Variants in KIF26B observed in about 807,000 individuals in gnomAD.
The protein encoded by KIF26B is kinesin family member 26B.
A neutral mutation model predicts 151.2 loss-of-function variants in KIF26B; 63 were observed. The observed-to-expected ratio is 0.42, with a 90% CI of 0.34 to 0.51. The LOEUF (loss-of-function observed/expected upper bound fraction) is 0.51, where lower values mean the gene tolerates loss of function less well. KIF26B is among the 20% of genes least tolerant of loss of function. The pLI is 0.07. For synonymous variants in KIF26B, 1,357 were observed against 1,262.1 expected, an observed-to-expected ratio of 1.08 and a Z score of -1.59; for missense variants, 2,813 against 2,913.6, an observed-to-expected ratio of 0.97 and a Z score of 0.79.
At chr1:245,541,965 C>A (rs1661636116) in intron 5 of KIF26B, among the ~76,000 whole-genome samples, 1 of 152,136 alleles carries the variant, frequency 6.6e-6, no homozygotes, top group Non-Finnish European at 1.5e-5. Flanking sequence ...TCTCCCGTGT[C>A]CTTCCATGCT....
At chr1:245,163,058 C>T (rs6668841) in intron 2 of KIF26B, among the ~76,000 whole-genome samples, 127,905 of 152,210 alleles carry the variant, frequency 0.84, 55,099 homozygotes, top group South Asian at 0.94. Flanking sequence ...TTGCAGACTT[C>T]TTCTTGTGAA....
intron 2 of KIF26B, among the ~76,000 whole-genome samples, chr1:245,344,222 T>A (rs1287075793): frequency 6.6e-6 from 1 of 151,948 alleles, no homozygotes; most frequent in African/African-American, 2.4e-5. Flanking sequence ...CCTGTTTCTC[T>A]GTCTCTCCTC....
intron 5 of KIF26B, among the ~76,000 whole-genome samples, chr1:245,543,985 C>A (rs1661682861): frequency 6.6e-6 from 1 of 151,886 alleles, no homozygotes; most frequent in South Asian, 2.1e-4. Context: ...CGAGAAGTTG[C>A]CAAGACCCTG....
At chr1:245,208,392 G>T (rs1178587660) in intron 2 of KIF26B, among the ~76,000 whole-genome samples, 1 of 152,134 alleles carries the variant, frequency 6.6e-6, no homozygotes, top group Non-Finnish European at 1.5e-5. Context: ...ATTGACACAA[G>T]TTGGTCATTT....
chr1:245,348,515 T>C (rs796108953), intron 2 of KIF26B, among the ~76,000 whole-genome samples: 1 of 152,296 alleles, frequency 6.6e-6, no homozygotes, highest in Non-Finnish European at 1.5e-5. Flanking sequence ...CTCTTGTTCA[T>C]AGATGGCACA....
chr1:245,343,472 A>G (rs1672378107), intron 2 of KIF26B, among the ~76,000 whole-genome samples: 1 of 152,130 alleles, frequency 6.6e-6, no homozygotes, highest in African/African-American at 2.4e-5. Flanking sequence ...CTGTGTTCAA[A>G]TCAGCATAAC....
At chr1:245,292,168 G>T (rs940480702) in intron 2 of KIF26B, among the ~76,000 whole-genome samples, 1 of 152,214 alleles carries the variant, frequency 6.6e-6, no homozygotes, top group African/African-American at 2.4e-5. Context: ...AAAGCAATCC[G>T]ATGACATCGA....
intron 2 of KIF26B, among the ~76,000 whole-genome samples, chr1:245,294,740 GCAACCTCCACC>G (rs1276404932): frequency 6.6e-6 from 1 of 152,098 alleles, no homozygotes; most frequent in Non-Finnish European, 1.5e-5. Context: ...TCGGCTCACT[GCAACCTCCACC>G]TCCCGGGTTC....
intron 4 of KIF26B, among the ~76,000 whole-genome samples, chr1:245,493,580 G>A (rs933282312): frequency 2.6e-5 from 4 of 152,178 alleles, no homozygotes; most frequent in Admixed American, 6.5e-5. Flanking sequence ...ACTTGGACTG[G>A]CCTAGGCACT....
Position 245,367,123 on chromosome 1 carries a change from G to A in KIF26B, c.755G>A (p.Cys252Tyr), listed in dbSNP as rs780009420. ...PRDWAFVPAP[C>Y]ATSNYTGFAN... is the part of the protein sequence containing the mutation. ...GACTGGGCCTTTGTGCCCGCCCCCT[G>A]TGCCACCTCCAACTACACAGGCTTC... Residue 252 changes from cysteine to tyrosine, a missense_variant, in exon 3 of 15, where the codon TGT (cysteine) becomes TAT (tyrosine). By Grantham distance (194) the Cys-to-Tyr change is radical (BLOSUM62 -2). Coordinates refer to ENST00000407071, the MANE Select transcript of KIF26B (RefSeq NM_018012.4). The surrounding 1 kb of genome is among the most constrained non-coding windows in gnomAD (Gnocchi z 4.2). The A allele has an allele frequency of 1.3e-6, 2 of 1,594,956 alleles. No individual in the cohort carries two copies. Among genetic ancestry groups the A allele is most frequent in the South Asian group, 1.1e-5 (1 of 88,218 alleles).
At chr1:245,689,502 C>T (rs1199066510) in intron 12 of KIF26B, among the ~76,000 whole-genome samples, 1 of 152,218 alleles carries the variant, frequency 6.6e-6, no homozygotes, top group African/African-American at 2.4e-5. Flanking sequence ...TGCAGTGCCC[C>T]CCGCCACACA....
At chr1:245,351,363 GCT>G (rs950692226) in intron 2 of KIF26B, among the ~76,000 whole-genome samples, 137 of 152,246 alleles carry the variant, frequency 9.0e-4, no homozygotes, top group African/African-American at 3.2e-3. Flanking sequence ...TTCTTCCCTG[GCT>G]ATGCCTTTTC....
rs1266210717 is a variant in KIF26B, at chr1:245,218,028, G to A, written c.465+61345G>A. On this transcript the variant is annotated intron_variant, in intron 2 of 14. Transcript: ENST00000407071. This position sits in a 1 kb window ranked among gnomAD's most constrained non-coding sequence, Gnocchi z 4.1. ...TGCATTCTTTCCAAAGCCCCCATGC[G>A]GTGACTCAGTATTTGGCCATTTTTC... Among the ~76,000 whole-genome samples the A allele has an allele frequency of 2.0e-5, 3 of 152,096 alleles. No individual in the cohort carries two copies. The highest frequency in any genetic ancestry group is 2.1e-4 in the South Asian group (1 of 4,820).
At chr1:245,311,675 G>T (rs1326392985) in intron 2 of KIF26B, among the ~76,000 whole-genome samples, 1 of 152,164 alleles carries the variant, frequency 6.6e-6, no homozygotes, top group Admixed American at 6.5e-5. Context: ...GCTCATGCCT[G>T]TAATCCCAGC....
chr1:245,263,477 TC>T (rs1175739285), intron 2 of KIF26B, among the ~76,000 whole-genome samples: 3 of 152,194 alleles, frequency 2.0e-5, no homozygotes, highest in African/African-American at 7.2e-5. Context: ...TTTGCAGGCA[TC>T]TATCATGAAC....
chr1:245,661,286 C>T (rs1446188389), intron 10 of KIF26B, among the ~76,000 whole-genome samples: 3 of 151,956 alleles, frequency 2.0e-5, no homozygotes, highest in Non-Finnish European at 1.5e-5. Flanking sequence ...CTGCGCCTGG[C>T]CCATTTTAAT....
At chr1:245,332,945 G>C (rs1259382486) in intron 2 of KIF26B, among the ~76,000 whole-genome samples, 1 of 152,120 alleles carries the variant, frequency 6.6e-6, no homozygotes, top group Non-Finnish European at 1.5e-5. Flanking sequence ...TCCAAATCCA[G>C]CAGAAAAAGG....
chr1:245,681,129 A>G (rs1399747494), intron 10 of KIF26B, among the ~76,000 whole-genome samples: 1 of 152,036 alleles, frequency 6.6e-6, no homozygotes, highest in Non-Finnish European at 1.5e-5. Context: ...CACACCCAGA[A>G]AAAGGAAGAG....
At chr1:245,549,307 C>T (rs1271588260) in intron 5 of KIF26B, among the ~76,000 whole-genome samples, 4 of 152,180 alleles carry the variant, frequency 2.6e-5, no homozygotes, top group Non-Finnish European at 5.9e-5. Context: ...TGAGGGAATT[C>T]TCTCTGGAAT....
Sources: gnomAD v4.1 joint callset for allele counts (sites outside exome capture counted in the v4.1 genomes callset) on GRCh38, gnomAD v4.1.1 for gene constraint, Gnocchi (gnomAD v3.1) non-coding constraint, MANE v1.5 for transcripts, NCBI Gene and HGNC (gene_info 2026-07-23, HGNC 2026-07-21) for gene names.